The following CACNA2D3 variants were observed in gnomAD, a reference collection of about 807,000 sequenced individuals.
CACNA2D3 encodes voltage-dependent calcium channel subunit alpha-2/delta-3.
In CACNA2D3, 60 loss-of-function variants were observed where a neutral mutation model predicts 160.6. The ratio of observed to expected loss-of-function variants is 0.37; its 90% CI spans 0.30 to 0.46. CACNA2D3 has a LOEUF of 0.46. Ranked by LOEUF, CACNA2D3 falls within the 20% of genes least tolerant of loss-of-function variation. The probability of loss-of-function intolerance (pLI) is 1.00; values close to 1 mark genes in which losing one functional copy is unlikely to be tolerated. For synonymous variants in CACNA2D3, 558 were observed against 492.9 expected (o/e 1.13, Z -1.75); for missense variants, 1,205 against 1,365.0 (o/e 0.88, Z 1.85).
intron 14 of CACNA2D3, among the ~76,000 whole-genome samples, chr3:54,817,094 G>C (rs1293797627): frequency 1.3e-5 from 2 of 152,180 alleles, no homozygotes; most frequent in African/African-American, 4.8e-5. Flanking sequence ...GCCAGTGATT[G>C]GGAGGTGAAT....
intron 13 of CACNA2D3, among the ~76,000 whole-genome samples, chr3:54,786,818 A>G (rs939907230): frequency 2.0e-5 from 3 of 152,164 alleles, no homozygotes; most frequent in African/African-American, 7.2e-5. Context: ...ATACGGTGAC[A>G]CCTCAGAGAG....
intron 4 of CACNA2D3, among the ~76,000 whole-genome samples, chr3:54,416,123 G>A (rs1481808700): frequency 1.3e-5 from 2 of 152,084 alleles, no homozygotes; most frequent in African/African-American, 4.8e-5. Flanking sequence ...TTGGCAATTG[G>A]ATCTATTCTC....
chr3:54,810,631 T>C (rs1221801880), intron 13 of CACNA2D3, among the ~76,000 whole-genome samples: 1 of 152,218 alleles, frequency 6.6e-6, no homozygotes, highest in East Asian at 1.9e-4. Context: ...GCTTTTTTTG[T>C]TTTACACAGT....
chr3:54,604,663 C>T (rs1422213940), intron 9 of CACNA2D3, among the ~76,000 whole-genome samples: 2 of 152,162 alleles, frequency 1.3e-5, no homozygotes, highest in African/African-American at 2.4e-5. Context: ...TTACCCACTC[C>T]ACTGCTCTCA....
At chr3:54,974,987 G>A (rs897911773) in intron 29 of CACNA2D3, among the ~76,000 whole-genome samples, 1 of 152,132 alleles carries the variant, frequency 6.6e-6, no homozygotes, top group African/African-American at 2.4e-5. Flanking sequence ...ATTATTTATT[G>A]TAAAGTGATA....
intron 3 of CACNA2D3, among the ~76,000 whole-genome samples, chr3:54,354,978 T>C (rs1267715891): frequency 6.6e-6 from 1 of 152,260 alleles, no homozygotes; most frequent in East Asian, 1.9e-4. Context: ...ATATTTATTT[T>C]GGATTTTCTC....
At chr3:54,309,410 A>G (rs1005855310) in intron 2 of CACNA2D3, among the ~76,000 whole-genome samples, 11 of 152,366 alleles carry the variant, frequency 7.2e-5, no homozygotes, top group African/African-American at 2.2e-4. Flanking sequence ...GTTGAACAGG[A>G]AAAGCTTATG....
chr3:54,740,390 G>A (rs192493300), intron 11 of CACNA2D3, among the ~76,000 whole-genome samples: 30 of 152,248 alleles, frequency 2.0e-4, no homozygotes, highest in Admixed American at 1.5e-3. Flanking sequence ...CTATTCACCT[G>A]AGGCTACTGC....
chr3:54,205,563 G>A (rs1164228654), intron 2 of CACNA2D3, among the ~76,000 whole-genome samples: 1 of 152,218 alleles, frequency 6.6e-6, no homozygotes, highest in Non-Finnish European at 1.5e-5. Flanking sequence ...GAGATGGAGG[G>A]AGAGGAAGTA....
intron 35 of CACNA2D3, among the ~76,000 whole-genome samples, chr3:55,020,621 G>C (rs926706361): frequency 1.3e-5 from 2 of 151,838 alleles, no homozygotes. Context: ...AGGCCAAGGC[G>C]GGTGTATCAC....
rs372087126 is a variant in CACNA2D3 at position 54,592,761 on chromosome 3, T to G, written c.963+10884T>G. Among the ~76,000 whole-genome samples, 54 of 152,354 alleles carry G rather than the reference T, an allele frequency of 3.5e-4. 1 individual carries two copies. The highest frequency in any genetic ancestry group is 1.2e-3 in the African/African-American group (49 of 41,582). The stretch of plus-strand genomic sequence containing the variant: ...CAAAATCAGCCCACCTTAGAAACCC[T>G]TGTAACTTTCATCTTCTTTGGCAGT... On this transcript the variant is annotated intron_variant, in intron 9 of 37. Transcript: ENST00000474759.
intron 35 of CACNA2D3, among the ~76,000 whole-genome samples, chr3:55,038,058 C>T (rs974270565): frequency 2.6e-5 from 4 of 152,132 alleles, no homozygotes; most frequent in African/African-American, 9.7e-5. Context: ...AGGACTCTCT[C>T]TCTCTTTCAC....
intron 2 of CACNA2D3, among the ~76,000 whole-genome samples, chr3:54,154,905 A>G (rs1700218352): frequency 6.6e-6 from 1 of 152,196 alleles, no homozygotes; most frequent in Non-Finnish European, 1.5e-5. Context: ...TCATGGTTTT[A>G]CCTGATACTT....
intron 11 of CACNA2D3, among the ~76,000 whole-genome samples, chr3:54,663,493 C>T (rs1031718707): frequency 6.6e-6 from 1 of 152,156 alleles, no homozygotes; most frequent in Non-Finnish European, 1.5e-5. Flanking sequence ...TGTGTGAAAC[C>T]CTTCCTGGTT....
At chr3:54,520,787 C>A (rs572984192) in intron 5 of CACNA2D3, among the ~76,000 whole-genome samples, 3 of 152,266 alleles carry the variant, frequency 2.0e-5, no homozygotes, top group African/African-American at 7.2e-5. Flanking sequence ...TTCACCCCAC[C>A]CCTAAGCAAC....
intron 4 of CACNA2D3, among the ~76,000 whole-genome samples, chr3:54,453,777 G>A (rs959229487): frequency 6.6e-6 from 1 of 152,158 alleles, no homozygotes; most frequent in African/African-American, 2.4e-5. Context: ...CCAGAGAAAA[G>A]GACCTGTGTT....
intron 2 of CACNA2D3, among the ~76,000 whole-genome samples, chr3:54,181,377 T>C (rs956151448): frequency 6.6e-6 from 1 of 152,202 alleles, no homozygotes; most frequent in African/African-American, 2.4e-5. Context: ...AACCTCTCAT[T>C]ATGAACATTG....
At chr3:54,524,979 T>A (rs934130857) in intron 5 of CACNA2D3, among the ~76,000 whole-genome samples, 2 of 152,150 alleles carry the variant, frequency 1.3e-5, no homozygotes, top group African/African-American at 4.8e-5. Flanking sequence ...ATTATTTAAT[T>A]AATTCACATT....
chr3:55,018,259 G>A lies in CACNA2D3; in HGVS notation c.2929G>A (p.Val977Ile), dbSNP rs746696198. The stretch of plus-strand genomic sequence containing the variant: ...TTGTGATACTGAATATCCAGCATTC[G>A]TCTCTGAGCGCACCATCAAGGAGAC... ...EPCDTEYPAF[V>I]SERTIKETTG... is the part of the protein sequence containing the mutation. The change falls in exon 35 of 38, where the codon GTC becomes ATC. Residue 977 changes from valine (V) to isoleucine (I), a missense_variant. Physicochemically the swap from Val to Ile is conservative, Grantham distance 29. Around this residue, in one of 3 missense-constraint regions of CACNA2D3, gnomAD observed 911 missense variants for 1,002.2 expected, o/e 0.91. Coordinates refer to ENST00000474759, the MANE Select transcript of CACNA2D3 (RefSeq NM_018398.3). 23 of 1,613,180 alleles carry A rather than the reference G, an allele frequency of 1.4e-5. No homozygotes were observed. The highest frequency in any genetic ancestry group is 1.7e-4 in the Middle Eastern group (1 of 6,060).
Sources: gnomAD v4.1 joint callset for allele counts (sites outside exome capture counted in the v4.1 genomes callset) on GRCh38, gnomAD v4.1.1 for gene constraint, gnomAD v4.1.1 regional missense constraint, MANE v1.5 for transcripts, NCBI Gene and HGNC (gene_info 2026-07-23, HGNC 2026-07-21) for gene names.